Variants in ITPRID1 observed in about 807,000 individuals in gnomAD.
ITPRID1 encodes protein ITPRID1.
Under a neutral mutation model 95.4 loss-of-function variants are expected in ITPRID1, and 96 were observed. That is an observed-to-expected ratio of 1.01 (90% CI 0.85 to 1.19). The LOEUF is 1.19. Among genes scored for constraint, ITPRID1 ranks in the 50% most tolerant of loss-of-function variants. The pLI is 0.00. For synonymous variants in ITPRID1, 510 were observed against 453.6 expected (o/e 1.12, Z -1.58); for missense variants, 1,339 against 1,252.9 (o/e 1.07, Z -1.04).
intron 10 of ITPRID1, among the ~76,000 whole-genome samples, chr7:31,588,233 A>T (rs1785706539): frequency 6.6e-6 from 1 of 152,156 alleles, no homozygotes; most frequent in South Asian, 2.1e-4. Flanking sequence ...GGGAGTTTCA[A>T]CACATAGAAG....
Position 31,652,728 on chromosome 7 carries a change from A to G in ITPRID1, c.3034A>G (p.Ser1012Gly), listed in dbSNP as rs1791074673. 1 of 1,613,852 alleles carries G rather than the reference A, an allele frequency of 6.2e-7. No individual in the cohort carries two copies. The highest frequency in any genetic ancestry group is 1.3e-5 in the African/African-American group (1 of 74,918). Residue 1012 changes from serine to glycine, a missense_variant, in exon 15 of 15, where the codon AGC (serine) becomes GGC (glycine). Coordinates refer to ENST00000615280, the MANE Select transcript of ITPRID1 (RefSeq NM_001257967.3). Reference sequence around the variant, plus strand: ...CTTCACTCCACCCACCTTGGAGAACAGCACCAGGATGTCTCCTTCATCATC... The same window carrying G: ...CTTCACTCCACCCACCTTGGAGAACGGCACCAGGATGTCTCCTTCATCATC... ...AAFTPPTLEN[S>G]TRMSPSSSAW...
At chr7:31,606,685 TATATC>T (rs943904760) in intron 10 of ITPRID1, among the ~76,000 whole-genome samples, 1 of 152,164 alleles carries the variant, frequency 6.6e-6, no homozygotes, top group Non-Finnish European at 1.5e-5. Flanking sequence ...TATCAAATAT[TATATC>T]AACTGGAGTT....
At chr7:31,633,291 T>C (rs1789183816) in intron 10 of ITPRID1, among the ~76,000 whole-genome samples, 1 of 152,186 alleles carries the variant, frequency 6.6e-6, no homozygotes, top group African/African-American at 2.4e-5. Flanking sequence ...AGCAGAGCTA[T>C]GACCGACAAA....
rs1216913908 is a variant in ITPRID1 at position 31,653,736 on chromosome 7, T to TA, written c.*908dup. The TA allele has an allele frequency of 6.6e-6, 1 of 152,254 alleles. No homozygotes were observed. The highest frequency in any genetic ancestry group is 1.5e-5 in the Non-Finnish European group (1 of 68,044). The allele number at this position is 152,254 out of a possible 1,614,324, so 9.4% of individuals were successfully genotyped here. A position where few individuals can be genotyped will look rare whatever the true frequency, so the allele number is the denominator to read the frequency against. On this transcript the variant is annotated 3_prime_UTR_variant, in exon 15 of 15. Coordinates refer to ENST00000615280, the MANE Select transcript of ITPRID1 (RefSeq NM_001257967.3). ...TTCATAATTTTGGGGTCCTGAGGTT[T>TA]ATTTTCCTTTCACAGAATATAAACA...
intron 10 of ITPRID1, among the ~76,000 whole-genome samples, chr7:31,635,092 A>AG (rs1789357215): frequency 6.6e-6 from 1 of 152,110 alleles, no homozygotes; most frequent in Non-Finnish European, 1.5e-5. Context: ...ATTAGGTGTG[A>AG]GGGTGTGGGA....
At chr7:31,608,094 G>A (rs1786704867) in intron 10 of ITPRID1, among the ~76,000 whole-genome samples, 1 of 151,912 alleles carries the variant, frequency 6.6e-6, no homozygotes. Context: ...GTTTTATCAT[G>A]ATATTTAGTT....
At chr7:31,625,647 A>G (rs919811206) in intron 10 of ITPRID1, among the ~76,000 whole-genome samples, 11 of 152,206 alleles carry the variant, frequency 7.2e-5, no homozygotes, top group Non-Finnish European at 1.3e-4. Context: ...GGGGAGGGAT[A>G]GCACTGGGAG....
At chr7:31,625,909 T>C (rs1788425986) in intron 10 of ITPRID1, among the ~76,000 whole-genome samples, 1 of 152,188 alleles carries the variant, frequency 6.6e-6, no homozygotes, top group African/African-American at 2.4e-5. Context: ...GTATTTCAGA[T>C]ACAGGTACAC....
intron 10 of ITPRID1, among the ~76,000 whole-genome samples, chr7:31,590,171 A>G (rs1486113318): frequency 6.6e-6 from 1 of 152,090 alleles, no homozygotes; most frequent in Non-Finnish European, 1.5e-5. Flanking sequence ...TAGTGTCAAG[A>G]GATCCTCCTG....
rs569271017 is a variant in ITPRID1 at position 31,635,710 on chromosome 7, G to C, written c.1229-6466G>C. On this transcript the variant is annotated intron_variant, in intron 10 of 14. Coordinates refer to ENST00000615280, the MANE Select transcript of ITPRID1 (RefSeq NM_001257967.3). ...TACCCAAGACTGGGTAATTTATGAA[G>C]AAAAGAGGTTTAAATGAGAACACAT... Among the ~76,000 whole-genome samples the C allele has an allele frequency of 2.0e-5, 3 of 152,026 alleles. No individual in the cohort carries two copies. The East Asian group carries it at 5.8e-4, about 30-fold the overall frequency.
rs1275386519 is a variant in ITPRID1, at chr7:31,574,348, C to T, written c.396-192C>T. 3.9e-5 allele frequency among the ~76,000 whole-genome samples: 6 copies of T among 152,130 alleles called. No individual in the cohort carries two copies. The East Asian group carries it at 1.2e-3, about 29-fold the overall frequency. ...CATAGTTTTGGATGTAAAGTACAGG[C>T]AAGCAGTCCCTGAGTGGGGGTGCCA... On this transcript the variant is annotated intron_variant, in intron 7 of 14. Coordinates refer to ENST00000615280, the MANE Select transcript of ITPRID1 (RefSeq NM_001257967.3).
At chr7:31,546,386 A>G (rs1784097253) in intron 1 of ITPRID1, among the ~76,000 whole-genome samples, 1 of 151,738 alleles carries the variant, frequency 6.6e-6, no homozygotes, top group Non-Finnish European at 1.5e-5. Context: ...TTGCTTCAAA[A>G]CAGAGAAATA....
chr7:31,516,539 G>A (rs34740948), intron 1 of ITPRID1, among the ~76,000 whole-genome samples: 27,655 of 152,134 alleles, frequency 0.18, 2,947 homozygotes, highest in Middle Eastern at 0.25. Context: ...CCATAGCTCA[G>A]GAAGAGAAAC....
At chr7:31,591,143 C>T (rs1436113178) in intron 10 of ITPRID1, among the ~76,000 whole-genome samples, 2 of 152,122 alleles carry the variant, frequency 1.3e-5, no homozygotes, top group Admixed American at 6.5e-5. Context: ...AGGAGTTGAC[C>T]CCAGTATTTC....
intron 1 of ITPRID1, among the ~76,000 whole-genome samples, chr7:31,521,082 T>C (rs1314829358): frequency 6.6e-6 from 1 of 151,760 alleles, no homozygotes; most frequent in Admixed American, 6.6e-5. Flanking sequence ...TTGATTCTAC[T>C]CTTATTTTTA....
intron 10 of ITPRID1, among the ~76,000 whole-genome samples, chr7:31,603,037 G>T (rs1037382267): frequency 1.3e-5 from 2 of 151,896 alleles, no homozygotes; most frequent in Admixed American, 6.6e-5. Flanking sequence ...CCATGTCTTG[G>T]GGGTAGCCAC....
At chr7:31,646,827 C>T (rs556698571) in intron 12 of ITPRID1, among the ~76,000 whole-genome samples, 85 of 152,134 alleles carry the variant, frequency 5.6e-4, no homozygotes, top group Non-Finnish European at 1.0e-3. Context: ...GCTTCTAATG[C>T]CTTGTCTCCT....
At chr7:31,529,484 C>T (rs568065155) in intron 1 of ITPRID1, 13 of 408,236 alleles carry the variant, frequency 3.2e-5, no homozygotes, top group Non-Finnish European at 5.3e-5. Flanking sequence ...CTCTTCCTTT[C>T]AATCCAGAAG....
chr7:31,609,472 AT>A (rs1471934371), intron 10 of ITPRID1, among the ~76,000 whole-genome samples: 1 of 151,656 alleles, frequency 6.6e-6, no homozygotes, highest in Admixed American at 6.6e-5. Flanking sequence ...TTCTAATTAA[AT>A]AACTTTACTT....
Sources: allele counts gnomAD v4.1 joint callset (sites outside exome capture counted in the v4.1 genomes callset), GRCh38; gene constraint gnomAD v4.1.1; transcripts MANE v1.5; gene names NCBI Gene and HGNC (gene_info 2026-07-23, HGNC 2026-07-21).